The following ACTR3 variants were observed in gnomAD, a reference collection of about 807,000 sequenced individuals.
ACTR3 encodes the protein actin related protein 3, also known as actin-related protein 3.
ACTR3 carries 12 observed loss-of-function variants against 56.8 expected under a neutral mutation model. That is an observed-to-expected ratio of 0.21 (90% confidence interval 0.14 to 0.34). The LOEUF (loss-of-function observed/expected upper bound fraction) is 0.34, where lower values mean the gene tolerates loss of function less well. ACTR3 is among the 10% of genes least tolerant of loss of function. The pLI is 1.00. For synonymous variants in ACTR3, 162 were observed against 167.4 expected, an observed-to-expected ratio of 0.97 and a Z score of 0.25; for missense variants, 282 against 512.5, an observed-to-expected ratio of 0.55 and a Z score of 4.34.
At chr2:113,948,575 T>TC (rs1680063445) in intron 8 of ACTR3, among the ~76,000 whole-genome samples, 1 of 152,212 alleles carries the variant, frequency 6.6e-6, no homozygotes, top group Admixed American at 6.5e-5. Context: ...CATTATAATT[T>TC]CAAGTAGGTT....
rs757658275 is a variant in ACTR3 at position 113,890,229 on chromosome 2, C to T, written c.-51C>T. ...GTCTCCCGCCGCCAATCTCTGGCCC[C>T]TAGCAGCACGGAGCAGACGGCGGCA... On this transcript the variant is annotated 5_prime_UTR_variant, in exon 1 of 12. Coordinates refer to ENST00000263238, the MANE Select transcript of ACTR3 (RefSeq NM_005721.5). 3.6e-5 allele frequency: 56 copies of T among 1,550,876 alleles called. No individual in the cohort carries two copies. Among genetic ancestry groups the T allele is most frequent in the Non-Finnish European group, 2.6e-6 (3 of 1,146,608 alleles).
At chr2:113,890,812 G>GC in intron 1 of ACTR3, 3 of 995,492 alleles carry the variant, frequency 3.0e-6, no homozygotes, top group Non-Finnish European at 3.6e-6. Flanking sequence ...ACAACATTCT[G>GC]CCCAGGGTGT....
chr2:113,931,451 T>A, intron 5 of ACTR3, 55 bp downstream of exon 5: 1 of 1,264,362 alleles, frequency 7.9e-7, no homozygotes, highest in Non-Finnish European at 1.1e-6. Context: ...CTAGTTTAAT[T>A]TGCTGCCTAA....
intron 5 of ACTR3, among the ~76,000 whole-genome samples, chr2:113,932,664 C>G (rs1414310217): frequency 6.6e-6 from 1 of 152,012 alleles, no homozygotes; most frequent in Non-Finnish European, 1.5e-5. Flanking sequence ...TTACAAAAGA[C>G]TTGTAAAAGT....
chr2:113,938,049 T>C (rs964299853), intron 6 of ACTR3, among the ~76,000 whole-genome samples: 175 of 152,204 alleles, frequency 1.1e-3, no homozygotes, highest in African/African-American at 3.9e-3. Context: ...TTTTCTTTTT[T>C]TTGGATAGTT....
At chr2:113,944,077 G>C (rs1362791648) in intron 8 of ACTR3, among the ~76,000 whole-genome samples, 1 of 152,172 alleles carries the variant, frequency 6.6e-6, no homozygotes, top group Non-Finnish European at 1.5e-5. Flanking sequence ...AGTGCCAGTT[G>C]CTGCAGTGAA....
At chr2:113,893,946 T>C (rs1678955945) in intron 1 of ACTR3, among the ~76,000 whole-genome samples, 1 of 152,210 alleles carries the variant, frequency 6.6e-6, no homozygotes, top group African/African-American at 2.4e-5. Context: ...GTTCATCTTG[T>C]GGCCACAATT....
chr2:113,949,391 AAAG>A (rs1197392690), intron 8 of ACTR3, among the ~76,000 whole-genome samples: 98 of 135,996 alleles, frequency 7.2e-4, no homozygotes, highest in African/African-American at 3.2e-3. Flanking sequence ...AAAAAAAAAA[AAAG>A]AAAAAAAAAA....
chr2:113,954,211 CAGGT>C (rs1680169760), intron 10 of ACTR3: 1 of 152,082 alleles, frequency 6.6e-6, no homozygotes, highest in South Asian at 2.1e-4. Flanking sequence ...TTGTGTCTGC[CAGGT>C]TTTTTCACTA....
Position 113,931,411 on chromosome 2 carries a change from A to G in ACTR3, c.432+15A>G, listed in dbSNP as rs769172240. 1 of 1,515,490 alleles carries G rather than the reference A, an allele frequency of 6.6e-7. No homozygotes were observed. The highest frequency in any genetic ancestry group is 8.9e-7 in the Non-Finnish European group (1 of 1,124,704). The allele number at this position is 1,515,490 out of a possible 1,614,324, so 93.9% of individuals were successfully genotyped here. A position where few individuals can be genotyped will look rare whatever the true frequency, so the allele number is the denominator to read the frequency against. On this transcript the variant is annotated intron_variant, in intron 5 of 11. Coordinates refer to ENST00000263238, the MANE Select transcript of ACTR3 (RefSeq NM_005721.5). ...TTGCTGTGCAGGTAAGCAAGTTCAT[A>G]CTTTCTAAGTTTGATTCTTACATTT...
At chr2:113,926,989 T>G (rs775900770) in intron 3 of ACTR3, among the ~76,000 whole-genome samples, 1 of 152,228 alleles carries the variant, frequency 6.6e-6, no homozygotes, top group Non-Finnish European at 1.5e-5. Context: ...TTAAGGAAAT[T>G]GTGATAAAGT....
At position 113,958,743 on chromosome 2, in the gene ACTR3, A is replaced by T. The variant is rs573571881; in HGVS notation, c.*1288A>T. The T allele has an allele frequency of 6.6e-6, 1 of 152,102 alleles. No individual in the cohort carries two copies. The highest frequency in any genetic ancestry group is 1.5e-5 in the Non-Finnish European group (1 of 67,914). The allele number at this position is 152,102 out of a possible 1,614,324, so 9.4% of individuals were successfully genotyped here. A position where few individuals can be genotyped will look rare whatever the true frequency, so the allele number is the denominator to read the frequency against. ...GACCTTAAAATTTTACCAGTTATTT[A>T]TAGAAAGAGAAAATGGGAAATGTTT... On this transcript the variant is annotated 3_prime_UTR_variant, in exon 12 of 12. Coordinates refer to ENST00000263238, the MANE Select transcript of ACTR3 (RefSeq NM_005721.5).
intron 1 of ACTR3, among the ~76,000 whole-genome samples, chr2:113,895,032 T>G (rs1404701004): frequency 1.3e-5 from 2 of 151,502 alleles, no homozygotes; most frequent in African/African-American, 4.9e-5. Flanking sequence ...GAGAAAACCC[T>G]CTGTGTAATC....
chr2:113,925,123 C>T (rs912506375), intron 3 of ACTR3, among the ~76,000 whole-genome samples: 2 of 151,366 alleles, frequency 1.3e-5, no homozygotes, highest in Non-Finnish European at 2.9e-5. Context: ...TCTTGAACTC[C>T]TGACCTCAAA....
intron 1 of ACTR3, among the ~76,000 whole-genome samples, chr2:113,908,275 A>T (rs181041943): frequency 2.4e-3 from 364 of 151,352 alleles, no homozygotes; most frequent in African/African-American, 8.3e-3. Context: ...TTGTCAAAGA[A>T]AAAGCGAGAG....
At chr2:113,920,548 C>T (rs1250635015) in intron 3 of ACTR3, among the ~76,000 whole-genome samples, 1 of 152,118 alleles carries the variant, frequency 6.6e-6, no homozygotes, top group Non-Finnish European at 1.5e-5. Flanking sequence ...AATAAATTAA[C>T]TGTAGTCATC....
intron 2 of ACTR3, among the ~76,000 whole-genome samples, chr2:113,913,469 C>T (rs1442803813): frequency 6.6e-6 from 1 of 152,110 alleles, no homozygotes; most frequent in African/African-American, 2.4e-5. Flanking sequence ...AAGAAATTAG[C>T]TGATAATGAA....
At chr2:113,905,053 A>G (rs1370045344) in intron 1 of ACTR3, 3 of 152,208 alleles carry the variant, frequency 2.0e-5, no homozygotes, top group Non-Finnish European at 2.9e-5. Flanking sequence ...TAATTTTTAC[A>G]TAGTTGAAAT....
intron 4 of ACTR3, among the ~76,000 whole-genome samples, chr2:113,929,230 C>T (rs1679675577): frequency 6.6e-6 from 1 of 151,728 alleles, no homozygotes; most frequent in African/African-American, 2.4e-5. Flanking sequence ...GCAGTGTTGA[C>T]CTCCCAGCTC....
Sources: gnomAD v4.1 joint callset for allele counts (sites outside exome capture counted in the v4.1 genomes callset) on GRCh38, gnomAD v4.1.1 for gene constraint, MANE v1.5 for transcripts, NCBI Gene and HGNC (gene_info 2026-07-23, HGNC 2026-07-21) for gene names.